The following GRIA4 variants were observed in gnomAD, a reference collection of about 807,000 sequenced individuals.
The protein encoded by GRIA4 is glutamate ionotropic receptor AMPA type subunit 4, also known as glutamate receptor 4.
In GRIA4, 34 loss-of-function variants were observed where a neutral mutation model predicts 104.0. The ratio of observed to expected loss-of-function variants is 0.33; its 90% CI spans 0.25 to 0.44. The LOEUF (loss-of-function observed/expected upper bound fraction) is 0.44. Among genes scored for constraint, GRIA4 ranks in the 20% least tolerant of loss-of-function variants. The probability of loss-of-function intolerance (pLI) is 1.00; values close to 1 mark genes in which losing one functional copy is unlikely to be tolerated. For synonymous variants in GRIA4, 386 were observed against 381.9 expected, an observed-to-expected ratio of 1.01 and a Z score of -0.13; for missense variants, 750 against 1,096.5, an observed-to-expected ratio of 0.68 and a Z score of 4.46.
intron 3 of GRIA4, among the ~76,000 whole-genome samples, chr11:105,653,342 G>T (rs949680527): frequency 6.6e-6 from 1 of 152,102 alleles, no homozygotes; most frequent in East Asian, 1.9e-4. Context: ...TAGGATGACT[G>T]GAACACAAGC....
Position 105,862,056 on chromosome 11 carries a change from G to T in GRIA4, c.520G>T (p.Ala174Ser). The T allele has an allele frequency of 1.2e-6, 2 of 1,612,570 alleles. No individual in the cohort carries two copies. The highest frequency in any genetic ancestry group is 1.7e-6 in the Non-Finnish European group (2 of 1,178,904). The change falls in exon 5 of 17, where the codon GCA (alanine) becomes TCA (serine). Residue 174 changes from alanine to serine, a missense_variant. Physicochemically the swap from Ala to Ser is moderately conservative, Grantham distance 99. Around this residue, in one of 3 missense-constraint regions of GRIA4, gnomAD observed 410 missense variants for 502.7 expected, o/e 0.82. Coordinates refer to ENST00000282499, the MANE Select transcript of GRIA4 (RefSeq NM_000829.4). ...YSILQAIMEKAGQNGWHVSAI... is the reference protein window; with the variant it reads ...YSILQAIMEKSGQNGWHVSAI... ...GATACTCCAAGCTATTATGGAAAAA[G>T]CAGGACAAAATGGTTGGCATGTCAG... is the stretch of plus-strand genomic sequence containing the variant.
chr11:105,896,126 A>G (rs1230225783), intron 6 of GRIA4, among the ~76,000 whole-genome samples: 2 of 151,978 alleles, frequency 1.3e-5, no homozygotes, highest in Admixed American at 1.3e-4. Flanking sequence ...AGCCATTCTG[A>G]CTGGTGTGAG....
At chr11:105,817,726 T>C (rs556445539) in intron 4 of GRIA4, among the ~76,000 whole-genome samples, 1 of 152,124 alleles carries the variant, frequency 6.6e-6, no homozygotes, top group Non-Finnish European at 1.5e-5. Flanking sequence ...ACATTATATA[T>C]AGAGAGTATT....
At chr11:105,756,486 T>C (rs1225546845) in intron 4 of GRIA4, among the ~76,000 whole-genome samples, 1 of 152,090 alleles carries the variant, frequency 6.6e-6, no homozygotes, top group Non-Finnish European at 1.5e-5. Flanking sequence ...AAAAGCAAAA[T>C]TAGAAACAAT....
chr11:105,709,145 G>A (rs1056165171), intron 3 of GRIA4, among the ~76,000 whole-genome samples: 2 of 152,120 alleles, frequency 1.3e-5, no homozygotes, highest in Admixed American at 6.6e-5. Flanking sequence ...AAAAGCATAT[G>A]GAAAGGATTC....
At chr11:105,969,753 C>T (rs190508162) in intron 14 of GRIA4, among the ~76,000 whole-genome samples, 101 of 152,188 alleles carry the variant, frequency 6.6e-4, no homozygotes, top group African/African-American at 2.3e-3. Flanking sequence ...GCCTGGGGAC[C>T]TAAAAACCCT....
At chr11:105,741,004 G>T (rs1314242779) in intron 3 of GRIA4, among the ~76,000 whole-genome samples, 1 of 152,094 alleles carries the variant, frequency 6.6e-6, no homozygotes, top group East Asian at 1.9e-4. Context: ...GCATAATTAG[G>T]GAGGAGGAAA....
intron 3 of GRIA4, among the ~76,000 whole-genome samples, chr11:105,719,744 C>T (rs1937657106): frequency 6.6e-6 from 1 of 151,016 alleles, no homozygotes; most frequent in East Asian, 2.0e-4. Flanking sequence ...GACTCAGATG[C>T]GTTCAGGCTC....
At chr11:105,888,472 G>C (rs1163769087) in intron 6 of GRIA4, among the ~76,000 whole-genome samples, 2 of 150,896 alleles carry the variant, frequency 1.3e-5, no homozygotes, top group Non-Finnish European at 3.0e-5. Flanking sequence ...ATTTTTAGTA[G>C]AGACGGGGTT....
At chr11:105,792,581 C>T (rs562335417) in intron 4 of GRIA4, among the ~76,000 whole-genome samples, 205 of 152,124 alleles carry the variant, frequency 1.3e-3, no homozygotes, top group African/African-American at 4.6e-3. Context: ...GCATGCCTTA[C>T]CTTTATATTA....
intron 3 of GRIA4, among the ~76,000 whole-genome samples, chr11:105,681,142 G>A (rs1952697042): frequency 6.6e-6 from 1 of 152,134 alleles, no homozygotes; most frequent in Non-Finnish European, 1.5e-5. Context: ...TGATCCTTGG[G>A]GAGTTCATTT....
At chr11:105,620,184 C>T (rs973449873) in intron 3 of GRIA4, among the ~76,000 whole-genome samples, 6 of 151,806 alleles carry the variant, frequency 4.0e-5, no homozygotes, top group African/African-American at 7.2e-5. Flanking sequence ...CTCGTTTTCT[C>T]AGAATAGTTT....
Position 105,663,052 on chromosome 11 carries a change from C to T in GRIA4, c.247+50618C>T, listed in dbSNP as rs1035471216. ...CAGATAATCTAAAATATCCTTGTAG[C>T]CTATCTTTATAATTGAGTTTATAAT... is the stretch of plus-strand genomic sequence containing the variant. On this transcript the variant is annotated intron_variant, in intron 3 of 16. Coordinates refer to ENST00000282499, the MANE Select transcript of GRIA4 (RefSeq NM_000829.4). 4.6e-5 allele frequency among the ~76,000 whole-genome samples: 7 copies of T among 151,806 alleles called. 1 individual carries two copies. Among genetic ancestry groups the T allele is most frequent in the African/African-American group, 1.7e-4 (7 of 41,366 alleles).
At chr11:105,652,885 C>T (rs1216332689) in intron 3 of GRIA4, among the ~76,000 whole-genome samples, 1 of 151,970 alleles carries the variant, frequency 6.6e-6, no homozygotes. Context: ...TCTTAGGAAC[C>T]TCGGCATACA....
At chr11:105,911,665 G>T (rs1435943446) in intron 10 of GRIA4, among the ~76,000 whole-genome samples, 5 of 150,146 alleles carry the variant, frequency 3.3e-5, no homozygotes, top group Non-Finnish European at 5.9e-5. Flanking sequence ...AATGTAATCT[G>T]ACAAGCCTTC....
intron 4 of GRIA4, among the ~76,000 whole-genome samples, chr11:105,790,485 A>G (rs1034465260): frequency 6.6e-6 from 1 of 152,160 alleles, no homozygotes; most frequent in Non-Finnish European, 1.5e-5. Flanking sequence ...TGCAGCTAAA[A>G]TGACACACTA....
intron 3 of GRIA4, among the ~76,000 whole-genome samples, chr11:105,636,129 C>T (rs890636599): frequency 3.3e-5 from 5 of 152,082 alleles, no homozygotes; most frequent in East Asian, 1.9e-4. Flanking sequence ...GCTTCCAATA[C>T]AAAAAGAGTA....
chr11:105,946,309 G>A (rs1243032933), intron 14 of GRIA4, among the ~76,000 whole-genome samples: 3 of 152,152 alleles, frequency 2.0e-5, no homozygotes, highest in Admixed American at 1.3e-4. Flanking sequence ...AAGGGGCGGT[G>A]CAGTGGCTCA....
intron 4 of GRIA4, among the ~76,000 whole-genome samples, chr11:105,802,871 T>A (rs1278895692): frequency 1.3e-5 from 2 of 151,948 alleles, no homozygotes; most frequent in Non-Finnish European, 2.9e-5. Context: ...ATTAAGAATA[T>A]AAATATTATA....
Sources: allele counts gnomAD v4.1 joint callset (sites outside exome capture counted in the v4.1 genomes callset), GRCh38; gene constraint gnomAD v4.1.1; regional missense constraint gnomAD v4.1.1; transcripts MANE v1.5; gene names NCBI Gene and HGNC (gene_info 2026-07-23, HGNC 2026-07-21).